The following CSNK1G1 variants were observed in gnomAD, a reference collection of about 807,000 sequenced individuals.
The protein encoded by CSNK1G1 is casein kinase 1 gamma 1.
A neutral mutation model predicts 59.6 loss-of-function variants in CSNK1G1; 22 were observed. That is an observed-to-expected ratio of 0.37 (90% CI 0.26 to 0.53). The LOEUF (loss-of-function observed/expected upper bound fraction) is 0.53, where lower values mean the gene tolerates loss of function less well. Ranked by LOEUF, CSNK1G1 falls within the 20% of genes least tolerant of loss-of-function variation. The pLI is 0.89. For missense variants in CSNK1G1, 384 were observed against 519.5 expected, an observed-to-expected ratio of 0.74 and a Z score of 2.54; for synonymous variants, 179 against 177.1, an observed-to-expected ratio of 1.01 and a Z score of -0.08.
intron 1 of CSNK1G1, among the ~76,000 whole-genome samples, chr15:64,337,417 T>C (rs1375885728): frequency 6.6e-6 from 1 of 152,164 alleles, no homozygotes; most frequent in Non-Finnish European, 1.5e-5. Context: ...CGTACCATGA[T>C]AGCTCACTGC....
chr15:64,289,198 T>A (rs1338824383), intron 2 of CSNK1G1, among the ~76,000 whole-genome samples: 1 of 147,764 alleles, frequency 6.8e-6, no homozygotes, highest in Non-Finnish European at 1.5e-5. Context: ...AAAAAAAAAA[T>A]TCCGGAATTG....
chr15:64,322,324 A>T (rs761496297), intron 1 of CSNK1G1, among the ~76,000 whole-genome samples: 1 of 152,022 alleles, frequency 6.6e-6, no homozygotes, highest in East Asian at 2.0e-4. Context: ...TGGTACATGC[A>T]AGCAAAACAA....
At chr15:64,217,590 TG>T (rs2082328768) in intron 4 of CSNK1G1, among the ~76,000 whole-genome samples, 2 of 151,920 alleles carry the variant, frequency 1.3e-5, no homozygotes, top group South Asian at 4.2e-4. Flanking sequence ...GAGGCTGAGG[TG>T]AGTGGATCAC....
chr15:64,217,604 G>T (rs1037143903), intron 4 of CSNK1G1, among the ~76,000 whole-genome samples: 2 of 152,120 alleles, frequency 1.3e-5, no homozygotes, highest in African/African-American at 4.8e-5. Context: ...TGGATCACAA[G>T]GTCAAGAGTT....
rs1184691804 is a variant in CSNK1G1 at position 64,300,028 on chromosome 15, T to TA, written c.181+290dup. On this transcript the variant is annotated intron_variant, in intron 2 of 11. Transcript: ENST00000303052. ...ATTTGGGGCTCCACCTCAGACATCC[T>TA]AAATCAGAGTCTGCATTTTACTGAT... Among the ~76,000 whole-genome samples the TA allele has an allele frequency of 8.5e-5, 13 of 152,274 alleles. No homozygotes were observed. In the East Asian group the frequency reaches 2.5e-3, roughly 29 times the overall value.
intron 4 of CSNK1G1, among the ~76,000 whole-genome samples, chr15:64,217,947 T>C (rs1471903160): frequency 3.9e-5 from 6 of 152,208 alleles, no homozygotes; most frequent in African/African-American, 1.4e-4. Flanking sequence ...TGTTTGCTTC[T>C]GCCTCTAAGT....
intron 1 of CSNK1G1, among the ~76,000 whole-genome samples, chr15:64,306,433 G>A (rs1002696170): frequency 6.6e-6 from 1 of 152,128 alleles, no homozygotes; most frequent in Non-Finnish European, 1.5e-5. Context: ...TTAAAACAAT[G>A]ATACCACTAT....
At chr15:64,327,669 A>G (rs1896921929) in intron 1 of CSNK1G1, among the ~76,000 whole-genome samples, 1 of 152,046 alleles carries the variant, frequency 6.6e-6, no homozygotes, top group South Asian at 2.1e-4. Context: ...ACAAAGCTGT[A>G]TGGAGAATGA....
intron 10 of CSNK1G1, among the ~76,000 whole-genome samples, chr15:64,185,388 C>T (rs1676993026): frequency 1.3e-5 from 2 of 152,190 alleles, no homozygotes; most frequent in Admixed American, 6.5e-5. Context: ...ACAGTGTCAG[C>T]CCAAAGAGGC....
chr15:64,291,579 A>C (rs1373721688), intron 2 of CSNK1G1, among the ~76,000 whole-genome samples: 1 of 151,878 alleles, frequency 6.6e-6, no homozygotes, highest in Non-Finnish European at 1.5e-5. Flanking sequence ...CAAGAGTGAA[A>C]CTCCATCTCA....
At position 64,223,004 on chromosome 15, in the gene CSNK1G1, AC is replaced by A. The variant is rs200760129; in HGVS notation, c.293-6292del. ...TTAGTTATTTTCTTACAGAAAATAT[AC>A]CTTTGAGCATAAAAGTTTCTTTGGG... On this transcript the variant is annotated intron_variant, in intron 4 of 11. Coordinates refer to ENST00000303052, the MANE Select transcript of CSNK1G1 (RefSeq NM_022048.5). 7.4e-4 allele frequency among the ~76,000 whole-genome samples: 113 copies of A among 152,318 alleles called. 2 individuals are homozygous for A. In the East Asian group the frequency reaches 0.019, roughly 25 times the overall value.
chr15:64,254,062 C>T (rs112932990), intron 3 of CSNK1G1, among the ~76,000 whole-genome samples: 6,723 of 152,200 alleles, frequency 0.044, 195 homozygotes, highest in South Asian at 0.085. Context: ...ATTGCTTGAA[C>T]CCGGCAGGTG....
chr15:64,207,961 C>A (rs1007043314), intron 6 of CSNK1G1, among the ~76,000 whole-genome samples: 1 of 152,168 alleles, frequency 6.6e-6, no homozygotes. Context: ...TTAGTTACCA[C>A]CAGAGAGTGA....
At chr15:64,290,858 C>T (rs890841711) in intron 2 of CSNK1G1, among the ~76,000 whole-genome samples, 6 of 152,070 alleles carry the variant, frequency 3.9e-5, no homozygotes, top group African/African-American at 1.4e-4. Context: ...GGATTACAGG[C>T]GCCCACAACC....
chr15:64,198,530 G>T (rs1403580025), intron 10 of CSNK1G1, among the ~76,000 whole-genome samples: 1 of 151,938 alleles, frequency 6.6e-6, no homozygotes, highest in Non-Finnish European at 1.5e-5. Flanking sequence ...TCACATAGCA[G>T]GTCCTCAGCT....
chr15:64,265,910 T>C (rs1361012833), intron 2 of CSNK1G1: 5 of 432,444 alleles, frequency 1.2e-5, no homozygotes, highest in Non-Finnish European at 2.3e-5. Context: ...TATGAGACAC[T>C]GCATCTGCAA....
chr15:64,198,192 CTTTT>C (rs893282431), intron 10 of CSNK1G1, among the ~76,000 whole-genome samples: 2 of 110,590 alleles, frequency 1.8e-5, no homozygotes, highest in Non-Finnish European at 3.6e-5. Flanking sequence ...ACAGGATATA[CTTTT>C]TTTTTTTTTT....
rs920907050 is a variant in CSNK1G1, at chr15:64,170,419, A to G, written c.*1512T>C. ...TTTTCCCTGGAATGTTCCAGCACCA[A>G]ACAATCTTTCCCTCCTTTTAAATGC... On this transcript the variant is annotated 3_prime_UTR_variant, in exon 12 of 12. Coordinates refer to ENST00000303052, the MANE Select transcript of CSNK1G1 (RefSeq NM_022048.5). 2.0e-5 allele frequency: 3 copies of G among 152,618 alleles called. No homozygotes were observed. The highest frequency in any genetic ancestry group is 7.2e-5 in the African/African-American group (3 of 41,436). 9.5% of individuals were successfully genotyped at this position (152,618 alleles called of 1,614,324 possible).
At chr15:64,304,146 G>A (rs1566940442) in intron 1 of CSNK1G1, among the ~76,000 whole-genome samples, 1 of 151,996 alleles carries the variant, frequency 6.6e-6, no homozygotes, top group East Asian at 1.9e-4. Context: ...CCAGTACTTT[G>A]GGAGGCCGAG....
Sources: allele counts gnomAD v4.1 joint callset (sites outside exome capture counted in the v4.1 genomes callset), GRCh38; gene constraint gnomAD v4.1.1; transcripts MANE v1.5; gene names NCBI Gene and HGNC (gene_info 2026-07-23, HGNC 2026-07-21).